Variants in MYO9A observed in about 807,000 individuals in gnomAD.
The protein encoded by MYO9A is unconventional myosin-IXa.
MYO9A carries 103 observed loss-of-function variants against 293.3 expected under a neutral mutation model. The ratio of observed to expected loss-of-function variants is 0.35; its 90% CI spans 0.30 to 0.41. The LOEUF is 0.41. Among genes scored for constraint, MYO9A ranks in the 10% least tolerant of loss-of-function variants. MYO9A has a pLI of 1.00. For synonymous variants in MYO9A, 1,001 were observed against 1,035.7 expected (o/e 0.97, Z 0.64); for missense variants, 2,685 against 3,033.0 (o/e 0.89, Z 2.69).
At chr15:72,032,701 G>A in intron 2 of MYO9A, 113 bp from the exon 3 acceptor site, 2 of 568,170 alleles carry the variant, frequency 3.5e-6, no homozygotes, top group South Asian at 7.9e-5. Flanking sequence ...TAAAGAGACA[G>A]TAAAAAGACA....
rs1306593133 is a variant in MYO9A at position 71,825,426 on chromosome 15, A to AT, written c.*1153dup. ...CAAAAATAGCTTCAAGTAGTCCTTG[A>AT]TTTTTTTCCATCTATTTAATACTGA... On this transcript the variant is annotated 3_prime_UTR_variant, in exon 42 of 42. Transcript: ENST00000356056. 5 of 146,148 alleles carry AT rather than the reference A, an allele frequency of 3.4e-5. No individual in the cohort carries two copies. The highest frequency in any genetic ancestry group is 2.1e-4 in the East Asian group (1 of 4,716). The allele number at this position is 146,148 out of a possible 1,614,324, so 9.1% of individuals were successfully genotyped here.
chr15:71,893,647 A>C, intron 26 of MYO9A, 32 bp downstream of exon 26: 1 of 1,519,546 alleles, frequency 6.6e-7, no homozygotes, highest in South Asian at 1.1e-5. Flanking sequence ...TCTTTTGTAT[A>C]GAAGATAGAT....
At chr15:72,076,648 A>G (rs1321220921) in intron 1 of MYO9A, among the ~76,000 whole-genome samples, 1 of 152,220 alleles carries the variant, frequency 6.6e-6, no homozygotes, top group Non-Finnish European at 1.5e-5. Flanking sequence ...AAGACTCAGT[A>G]TTACTAAGAT....
chr15:71,845,462 G>A (rs183797621), intron 39 of MYO9A, among the ~76,000 whole-genome samples: 13 of 152,286 alleles, frequency 8.5e-5, no homozygotes, highest in African/African-American at 2.9e-4. Context: ...AAGATGCTGG[G>A]GTGTGATGAT....
At chr15:72,045,557 C>T (rs1452839545) in intron 2 of MYO9A, among the ~76,000 whole-genome samples, 167 bp downstream of exon 2, 4 of 152,142 alleles carry the variant, frequency 2.6e-5, no homozygotes, top group African/African-American at 7.2e-5. Context: ...TGAGCCATTG[C>T]GCCCAGCCCT....
At chr15:71,938,338 T>C (rs887519725) in intron 16 of MYO9A, among the ~76,000 whole-genome samples, 6 of 24,286 alleles carry the variant, frequency 2.5e-4, no homozygotes, top group Non-Finnish European at 8.0e-4. Context: ...TTAAATAGTA[T>C]ATATAAAAAA....
chr15:71,992,035 G>A (rs892251841), intron 10 of MYO9A, among the ~76,000 whole-genome samples: 5 of 152,180 alleles, frequency 3.3e-5, no homozygotes, highest in African/African-American at 7.2e-5. Flanking sequence ...GATTACAGGC[G>A]TGAGCCACCG....
chr15:71,940,679 T>C (rs1174852687), intron 15 of MYO9A, among the ~76,000 whole-genome samples: 2 of 152,204 alleles, frequency 1.3e-5, no homozygotes, highest in Non-Finnish European at 2.9e-5. Flanking sequence ...AAGATGTCAA[T>C]GTTCCCCAAA....
chr15:71,850,015 G>C, intron 38 of MYO9A, 21 bp downstream of exon 38: 1 of 1,613,456 alleles, frequency 6.2e-7, no homozygotes, highest in African/African-American at 1.3e-5. Flanking sequence ...GTCTTGCAAA[G>C]GTTATGGTAA....
intron 8 of MYO9A, among the ~76,000 whole-genome samples, chr15:72,007,299 C>T (rs2077043735): frequency 6.6e-6 from 1 of 151,654 alleles, no homozygotes; most frequent in African/African-American, 2.4e-5. Context: ...TAAATCATCA[C>T]TCCAGGAAGA....
intron 11 of MYO9A, among the ~76,000 whole-genome samples, chr15:71,979,078 C>T (rs2076212208): frequency 1.3e-5 from 2 of 152,098 alleles, no homozygotes; most frequent in South Asian, 4.1e-4. Context: ...GTACTTGCAG[C>T]ACAAGTCAAC....
At chr15:71,923,168 T>A (rs2145162213) in intron 18 of MYO9A, among the ~76,000 whole-genome samples, 1 of 152,348 alleles carries the variant, frequency 6.6e-6, no homozygotes, top group South Asian at 2.1e-4. Context: ...TCTGTTAATG[T>A]ATCACATTTA....
chr15:72,072,260 C>A (rs1254669869), intron 1 of MYO9A, among the ~76,000 whole-genome samples: 1 of 151,502 alleles, frequency 6.6e-6, no homozygotes, highest in Non-Finnish European at 1.5e-5. Context: ...GCCTCCAGAG[C>A]AGCTGGGACT....
chr15:71,899,105 T>A (rs977279924), intron 24 of MYO9A, 73 bp from the exon 25 acceptor site: 2 of 1,361,716 alleles, frequency 1.5e-6, no homozygotes, highest in African/African-American at 1.5e-5. Flanking sequence ...TTCCTGAGAA[T>A]TTAAGAAAAA....
At chr15:71,902,857 T>G in intron 22 of MYO9A, 84 bp downstream of exon 22, 1 of 1,121,836 alleles carries the variant, frequency 8.9e-7, no homozygotes, top group African/African-American at 1.6e-5. Context: ...ACTATCTTTT[T>G]AATAAACAAT....
At chr15:71,883,315 C>A (rs984046700) in intron 28 of MYO9A, among the ~76,000 whole-genome samples, 1 of 152,146 alleles carries the variant, frequency 6.6e-6, no homozygotes, top group Non-Finnish European at 1.5e-5. Context: ...ATAATGGCTA[C>A]ATTTTTTTAG....
At position 71,834,937 on chromosome 15, in the gene MYO9A, ATAC is replaced by A. The variant is rs1442073917; in HGVS notation, c.6838-4629_6838-4627del. ...AAGTTGGATTTATTGTAGTAGTATG[ATAC>A]TACTACATACACATAATATAATGAT... On this transcript the variant is annotated intron_variant, in intron 39 of 41. Coordinates refer to ENST00000356056, the MANE Select transcript of MYO9A (RefSeq NM_006901.4). Among the ~76,000 whole-genome samples the A allele has an allele frequency of 4.6e-5, 7 of 152,292 alleles. No homozygotes were observed. In the East Asian group the frequency reaches 1.3e-3, roughly 29 times the overall value.
Position 71,898,990 on chromosome 15 carries a change from T to C in MYO9A, c.3513A>G (p.Pro1171=). The C allele has an allele frequency of 1.9e-6, 3 of 1,613,002 alleles. No individual in the cohort carries two copies. The highest frequency in any genetic ancestry group is 8.5e-7 in the Non-Finnish European group (1 of 1,179,350). The change falls in exon 25 of 42, where the codon CCA becomes CCG. Residue 1171 remains proline (P), a synonymous_variant. Coordinates refer to ENST00000356056, the MANE Select transcript of MYO9A (RefSeq NM_006901.4). ...CCTTAATATTCACCAATCCAACTTCTGGCTTTGTTTCTCTTAGCCTTTGTT... is the reference window on the plus strand; with the variant it reads ...CCTTAATATTCACCAATCCAACTTCCGGCTTTGTTTCTCTTAGCCTTTGTT... ...LKEQRLRETK[P]EVGLVNIKGY...
chr15:71,932,293 C>T (rs1369270842), intron 18 of MYO9A, among the ~76,000 whole-genome samples: 1 of 151,902 alleles, frequency 6.6e-6, no homozygotes, highest in Non-Finnish European at 1.5e-5. Context: ...CACTGAATGC[C>T]CATTTATTTG....
Sources: gnomAD v4.1 joint callset for allele counts (sites outside exome capture counted in the v4.1 genomes callset) on GRCh38, gnomAD v4.1.1 for gene constraint, MANE v1.5 for transcripts, NCBI Gene and HGNC (gene_info 2026-07-23, HGNC 2026-07-21) for gene names.